The following CCDC51 variants were observed in gnomAD, a reference collection of about 807,000 sequenced individuals.
CCDC51 encodes coiled-coil domain containing 51, also known as mitochondrial potassium channel.
Under a neutral mutation model 24.8 loss-of-function variants are expected in CCDC51, and 25 were observed. The ratio of observed to expected loss-of-function variants is 1.01; its 90% CI spans 0.73 to 1.41. The LOEUF is 1.41. CCDC51 is among the 40% of genes most tolerant of loss of function. CCDC51 has a pLI of 0.00. For missense variants in CCDC51, 466 were observed against 519.1 expected, an observed-to-expected ratio of 0.90 and a Z score of 0.99; for synonymous variants, 190 against 204.3, an observed-to-expected ratio of 0.93 and a Z score of 0.60.
upstream of CCDC51, among the ~76,000 whole-genome samples, chr3:48,442,529 G>A (rs2039594756): frequency 2.0e-5 from 3 of 147,568 alleles, no homozygotes; most frequent in South Asian, 6.3e-4. Flanking sequence ...TCAGCTCACT[G>A]CAGCCTCCGC....
In CCDC51 at chr3:48,433,305, A is replaced by C; in HGVS notation, c.478-139T>G. On this transcript the variant is annotated intron_variant, in intron 3 of 3. Coordinates refer to ENST00000395694, the MANE Select transcript of CCDC51 (RefSeq NM_001256964.2). The surrounding 1 kb of genome is among the most constrained non-coding windows in gnomAD (Gnocchi z 4.4). ...CCCATGCTGAATGAATGAAGGTAGC[A>C]CCAACCTGGCTGGGTCAGAAGGGCA... is the stretch of plus-strand genomic sequence containing the variant. The C allele has an allele frequency of 1.2e-6, 1 of 830,834 alleles. No homozygotes were observed. The highest frequency in any genetic ancestry group is 1.8e-6 in the Non-Finnish European group (1 of 541,284). 51.5% of individuals were successfully genotyped at this position (830,834 alleles called of 1,614,324 possible).
Position 48,435,958 on chromosome 3 carries a change from CT to C in CCDC51, c.-8-823del, listed in dbSNP as rs1299409116. On this transcript the variant is annotated intron_variant, in intron 1 of 3. Transcript: ENST00000395694. The surrounding 1 kb of genome is among the most constrained non-coding windows in gnomAD (Gnocchi z 4.2). ...CAGGTTAGGTTTCTCTCATCTTTCC[CT>C]TTTCCATCTTGCTTTGATGTTTGGG... Among the ~76,000 whole-genome samples, 2 of 152,122 alleles carry C rather than the reference CT, an allele frequency of 1.3e-5. No individual in the cohort carries two copies. The highest frequency in any genetic ancestry group is 1.3e-4 in the Admixed American group (2 of 15,266).
upstream of CCDC51, chr3:48,441,018 T>G (rs1260640848): frequency 4.0e-6 from 1 of 247,620 alleles, no homozygotes; most frequent in Non-Finnish European, 8.0e-6. Context: ...TTTTTTTGTT[T>G]TGTTTTGTTT....
At chr3:48,446,646 C>A in the CCDC51 span, 2 of 535,910 alleles carry the variant, frequency 3.7e-6, no homozygotes, top group Middle Eastern at 5.5e-4. Flanking sequence ...AAACACCGGG[C>A]GGGGCCGGGT....
At chr3:48,441,633 C>T (rs1293234851), upstream of CCDC51, among the ~76,000 whole-genome samples, 1 of 152,170 alleles carries the variant, frequency 6.6e-6, no homozygotes, top group East Asian at 1.9e-4. Flanking sequence ...CTAACTGAAT[C>T]CTCCACCTTT....
In CCDC51 at chr3:48,434,963, G is replaced by A; in HGVS notation, c.166C>T (p.Leu56=). 2 of 1,614,240 alleles carry A rather than the reference G, an allele frequency of 1.2e-6. No homozygotes were observed. Residue 56 remains leucine, a synonymous_variant, in exon 2 of 4, where the codon CTG becomes TTG. Coordinates refer to ENST00000395694, the MANE Select transcript of CCDC51 (RefSeq NM_001256964.2). ...CCCAGTGCTGGGAGGCGGTGGTGCAGCCCCAGGGCCACCTCCTCAGGTCTT... is the reference window on the plus strand; with the variant it reads ...CCCAGTGCTGGGAGGCGGTGGTGCAACCCCAGGGCCACCTCCTCAGGTCTT... ...EKRPEEVALG[L]HHRLPALGRA...
upstream of CCDC51, chr3:48,444,989 C>T (rs2039640993): frequency 6.6e-6 from 1 of 152,174 alleles, no homozygotes; most frequent in Non-Finnish European, 1.5e-5. Flanking sequence ...AGACAGAGAC[C>T]ATCCATAATG....
chr3:48,441,026 TTTTG>T (rs1266664225), upstream of CCDC51: 2 of 245,868 alleles, frequency 8.1e-6, no homozygotes, highest in Non-Finnish European at 1.6e-5. Context: ...TTTTGTTTTG[TTTTG>T]TTTGAGACAG....
chr3:48,436,660 G>A (rs1340789988), intron 1 of CCDC51, among the ~76,000 whole-genome samples: 1 of 152,212 alleles, frequency 6.6e-6, no homozygotes, highest in Non-Finnish European at 1.5e-5. Context: ...TCCTTCATCA[G>A]ACAAAGCATG....
At position 48,435,569 on chromosome 3, in the gene CCDC51, G is replaced by A. The variant is rs775493978; in HGVS notation, c.-8-433C>T. 1.3e-5 allele frequency among the ~76,000 whole-genome samples: 2 copies of A among 152,178 alleles called. No individual in the cohort carries two copies. Among genetic ancestry groups the A allele is most frequent in the Non-Finnish European group, 2.9e-5 (2 of 68,042 alleles). Reference sequence around the variant, plus strand: ...AAGACGCATAAATACTCCCTGCAATGTTGTGGAACTCAGGGGAATTCAGGA... The same window carrying A: ...AAGACGCATAAATACTCCCTGCAATATTGTGGAACTCAGGGGAATTCAGGA... On this transcript the variant is annotated intron_variant, in intron 1 of 3. Coordinates refer to ENST00000395694, the MANE Select transcript of CCDC51 (RefSeq NM_001256964.2). This position sits in a 1 kb window ranked among gnomAD's most constrained non-coding sequence, Gnocchi z 4.2.
chr3:48,440,297 A>T (rs749111503), upstream of CCDC51: 48 of 1,606,394 alleles, frequency 3.0e-5, no homozygotes, highest in Non-Finnish European at 3.7e-5. Flanking sequence ...GGCAGGCGCC[A>T]TGTCCGGCCG....
Position 48,433,184 on chromosome 3 carries a change from T to C in CCDC51, c.478-18A>G, listed in dbSNP as rs750707190. The C allele has an allele frequency of 1.2e-6, 2 of 1,605,810 alleles. No individual in the cohort carries two copies. Among genetic ancestry groups the C allele is most frequent in the South Asian group, 1.1e-5 (1 of 90,396 alleles). ...TTCTCCTCCTGCAGAAGCAAAGCCA[T>C]GTTATTGGATTACATGGGCACAAGG... On this transcript the variant is annotated intron_variant, in intron 3 of 3. Transcript: ENST00000395694. This position sits in a 1 kb window ranked among gnomAD's most constrained non-coding sequence, Gnocchi z 4.4.
chr3:48,440,086 C>T lies in CCDC51; in HGVS notation c.-107G>A, dbSNP rs2107157691. 2 of 771,442 alleles carry T rather than the reference C, an allele frequency of 2.6e-6. No homozygotes were observed. Among genetic ancestry groups the T allele is most frequent in the South Asian group, 1.9e-5 (1 of 52,082 alleles). The allele number at this position is 771,442 out of a possible 1,614,324, so 47.8% of individuals were successfully genotyped here. A position where few individuals can be genotyped will look rare whatever the true frequency, so the allele number is the denominator to read the frequency against. ...TTCTACCCTGGCAGGACAACCCTAG[C>T]TCCTCGTACCTGGCGTGGCCCGACC... On this transcript the variant is annotated 5_prime_UTR_variant, in exon 1 of 4. Transcript: ENST00000395694.
At chr3:48,434,077 T>C (rs2039277682) in intron 2 of CCDC51, 1 of 1,181,656 alleles carries the variant, frequency 8.5e-7, no homozygotes, top group Non-Finnish European at 1.1e-6. Flanking sequence ...TCACGAGATT[T>C]AGCCATTCAA....
At chr3:48,443,948 C>T (rs572507761), upstream of CCDC51, 1 of 1,191,092 alleles carries the variant, frequency 8.4e-7, no homozygotes, top group South Asian at 2.2e-5. Context: ...TCTCTATTCC[C>T]TGCCATAACA....
At position 48,433,000 on chromosome 3, in the gene CCDC51, C is replaced by A; in HGVS notation, c.644G>T (p.Gly215Val). The A allele has an allele frequency of 1.2e-6, 2 of 1,614,218 alleles. No individual in the cohort carries two copies. The highest frequency in any genetic ancestry group is 1.7e-6 in the Non-Finnish European group (2 of 1,180,034). ...GTTCACATAGGTGGAGCCAGCCACA[C>A]CAATCAGGGCCCCCAGGACTGAGCC... ...LIGSVLGALI[G>V]VAGSTYVNRV... Residue 215 changes from glycine (G) to valine (V), a missense_variant, in exon 4 of 4, where the codon GGT becomes GTT. By Grantham distance (109) the Gly-to-Val change is moderately radical. Transcript: ENST00000395694.
In CCDC51 at chr3:48,432,824, G is replaced by A; in HGVS notation, c.820C>T (p.His274Tyr). 2 of 1,614,158 alleles carry A rather than the reference G, an allele frequency of 1.2e-6. No individual in the cohort carries two copies. The highest frequency in any genetic ancestry group is 1.7e-6 in the Non-Finnish European group (2 of 1,180,026). The change falls in exon 4 of 4, where the codon CAT becomes TAT. Residue 274 changes from histidine (H) to tyrosine (Y), a missense_variant. Coordinates refer to ENST00000395694, the MANE Select transcript of CCDC51 (RefSeq NM_001256964.2). Reference protein sequence around the residue: ...NLMVDLRGLVHAAGPGQDSGS... With the variant: ...NLMVDLRGLVYAAGPGQDSGS... The stretch of plus-strand genomic sequence containing the variant: ...GAGTCCTGCCCTGGCCCAGCAGCAT[G>A]TACCAGGCCCCTCAGGTCCACCATG...
chr3:48,441,519 C>T (rs116689862), upstream of CCDC51, among the ~76,000 whole-genome samples: 1,996 of 150,164 alleles, frequency 0.013, 41 homozygotes, highest in African/African-American at 0.045. Context: ...TATATTATCT[C>T]TAATATATGC....
intron 1 of CCDC51, chr3:48,438,233 C>T (rs1310379055): frequency 6.6e-6 from 1 of 152,074 alleles, no homozygotes; most frequent in Non-Finnish European, 1.5e-5. Context: ...TTGGTGATGG[C>T]CATACAACTT....
Sources: allele counts gnomAD v4.1 joint callset (sites outside exome capture counted in the v4.1 genomes callset), GRCh38; gene constraint gnomAD v4.1.1; non-coding constraint Gnocchi (gnomAD v3.1); transcripts MANE v1.5; gene names NCBI Gene and HGNC (gene_info 2026-07-23, HGNC 2026-07-21).